The following PKHD1 variants were observed in gnomAD, a reference collection of about 807,000 sequenced individuals.
PKHD1 encodes PKHD1 ciliary IPT domain containing fibrocystin/polyductin.
A neutral mutation model predicts 412.0 loss-of-function variants in PKHD1; 291 were observed. The observed-to-expected ratio is 0.71, with a 90% confidence interval of 0.64 to 0.78. The LOEUF (loss-of-function observed/expected upper bound fraction) is 0.78. Among genes scored for constraint, PKHD1 ranks in the 30% least tolerant of loss-of-function variants. The pLI, the probability that PKHD1 is intolerant of heterozygous loss-of-function variation, is 0.00. For missense variants in PKHD1, 4,825 were observed against 4,950.7 expected (o/e 0.97, Z 0.76); for synonymous variants, 1,777 against 1,821.5 (o/e 0.98, Z 0.62).
chr6:52,032,282 C>G (rs1320883364), intron 29 of PKHD1, among the ~76,000 whole-genome samples: 1 of 152,142 alleles, frequency 6.6e-6, no homozygotes, highest in Non-Finnish European at 1.5e-5. Context: ...ACCACAAACC[C>G]TGTTATCTGG....
At chr6:51,972,128 C>T (rs1176351961) in intron 35 of PKHD1, among the ~76,000 whole-genome samples, 3 of 152,112 alleles carry the variant, frequency 2.0e-5, no homozygotes, top group Non-Finnish European at 2.9e-5. Context: ...CTTCCACTAG[C>T]ATTGCTTCCT....
rs774279166 is a variant in PKHD1 at position 52,053,195 on chromosome 6, A to G, written c.2021T>C (p.Leu674Pro). 6.2e-7 allele frequency: 1 copy of G among 1,614,092 alleles called. No homozygotes were observed. Among genetic ancestry groups the G allele is most frequent in the African/African-American group, 1.3e-5 (1 of 74,946 alleles). Residue 674 changes from leucine to proline, a missense_variant, in exon 21 of 67, where the codon CTC becomes CCC. Leu to Pro is a moderately conservative substitution (Grantham distance 98). Coordinates refer to ENST00000371117, the MANE Select transcript of PKHD1 (RefSeq NM_138694.4). The stretch of plus-strand genomic sequence containing the variant: ...TGGGGAGTTTGCCGGAGGGGGCTGG[A>G]GATCCCCGAAGCAACGCACACAAGT... Reference protein sequence around the residue: ...WETCVRCFGDLQPPPANSPVL... With the variant: ...WETCVRCFGDPQPPPANSPVL...
At chr6:52,011,720 A>C (rs1431426746) in intron 34 of PKHD1, among the ~76,000 whole-genome samples, 1 of 152,258 alleles carries the variant, frequency 6.6e-6, no homozygotes, top group Non-Finnish European at 1.5e-5. Flanking sequence ...TAACTAGTAC[A>C]TCTCACCACT....
intron 61 of PKHD1, among the ~76,000 whole-genome samples, chr6:51,657,409 T>C (rs1388724487): frequency 6.6e-6 from 1 of 152,152 alleles, no homozygotes; most frequent in Non-Finnish European, 1.5e-5. Context: ...GAGAAATTTG[T>C]TCAGACATAC....
At chr6:51,663,488 G>A (rs544258281) in intron 60 of PKHD1, among the ~76,000 whole-genome samples, 5 of 152,212 alleles carry the variant, frequency 3.3e-5, no homozygotes, top group South Asian at 2.1e-4. Context: ...ATCACATGAC[G>A]TTAGTAGGCA....
chr6:52,026,447 T>C (rs1802201274), intron 31 of PKHD1, among the ~76,000 whole-genome samples: 1 of 152,244 alleles, frequency 6.6e-6, no homozygotes, highest in African/African-American at 2.4e-5. Context: ...TACCTTTGTA[T>C]ATCCCAGAAG....
At chr6:51,757,241 G>A (rs2661486) in intron 55 of PKHD1, among the ~76,000 whole-genome samples, 89,986 of 151,966 alleles carry the variant, frequency 0.59, 27,102 homozygotes, top group East Asian at 0.89. Flanking sequence ...AATATTCTGA[G>A]AAGTTTCATG....
intron 36 of PKHD1, among the ~76,000 whole-genome samples, chr6:51,939,752 C>G (rs970503363): frequency 6.6e-6 from 1 of 151,406 alleles, no homozygotes; most frequent in Non-Finnish European, 1.5e-5. Context: ...CAGTCCCAAC[C>G]CCAAGCATCA....
chr6:51,963,630 A>G (rs1326274361), intron 35 of PKHD1, among the ~76,000 whole-genome samples: 1 of 152,090 alleles, frequency 6.6e-6, no homozygotes, highest in Non-Finnish European at 1.5e-5. Flanking sequence ...AGCTGGTGCT[A>G]TCATTCCCTC....
chr6:51,985,698 C>T (rs1001219156), intron 35 of PKHD1, among the ~76,000 whole-genome samples: 5 of 152,130 alleles, frequency 3.3e-5, no homozygotes, highest in African/African-American at 1.2e-4. Context: ...CACTGCACTC[C>T]AGCCTGGGCA....
chr6:52,024,542 A>G (rs1376322895), intron 32 of PKHD1, 32 bp downstream of exon 32: 1 of 1,578,354 alleles, frequency 6.3e-7, no homozygotes, highest in African/African-American at 1.3e-5. Context: ...ATTTACATAA[A>G]GAAAGTGTGC....
chr6:51,762,830 A>G (rs1788266128), intron 55 of PKHD1, among the ~76,000 whole-genome samples: 1 of 152,050 alleles, frequency 6.6e-6, no homozygotes, highest in Non-Finnish European at 1.5e-5. Flanking sequence ...CTCAGTTAAT[A>G]CCGTACCAAT....
At chr6:51,776,567 C>T (rs1323794376) in intron 53 of PKHD1, among the ~76,000 whole-genome samples, 1 of 151,982 alleles carries the variant, frequency 6.6e-6, no homozygotes, top group African/African-American at 2.4e-5. Flanking sequence ...TGCATTTTAG[C>T]ATTTACTCCT....
intron 60 of PKHD1, among the ~76,000 whole-genome samples, chr6:51,709,316 A>C (rs1385224968): frequency 1.3e-5 from 2 of 152,228 alleles, no homozygotes; most frequent in African/African-American, 4.8e-5. Context: ...GCTGGTGTCC[A>C]CAAAAAGGCC....
intron 63 of PKHD1, among the ~76,000 whole-genome samples, chr6:51,644,689 T>C (rs149843118): frequency 7.9e-5 from 12 of 152,250 alleles, no homozygotes; most frequent in African/African-American, 2.9e-4. Context: ...AAGCTGATTT[T>C]GTTTTGTTTT....
Position 51,911,867 on chromosome 6 carries a change from A to C in PKHD1, c.6422T>G (p.Ile2141Arg), listed in dbSNP as rs1376913559. The change falls in exon 39 of 67, where the codon ATA becomes AGA. Residue 2141 changes from isoleucine (I) to arginine (R), a missense_variant. Coordinates refer to ENST00000371117, the MANE Select transcript of PKHD1 (RefSeq NM_138694.4). The part of the protein sequence containing the change: ...TVALLSRSIT[I>R]QGNLTNEREK... ...CCTCTCATTAGTGAGATTTCCTTGTATGGTAATACTCCTGCTGAGCAGAGC... is the reference window on the plus strand; with the variant it reads ...CCTCTCATTAGTGAGATTTCCTTGTCTGGTAATACTCCTGCTGAGCAGAGC... The C allele has an allele frequency of 1.9e-6, 3 of 1,612,216 alleles. No homozygotes were observed. In the African/African-American group the frequency reaches 4.0e-5, roughly 22 times the overall value.
rs1230568581 is a variant in PKHD1, at chr6:51,912,438, G to T, written c.6260C>A (p.Ala2087Asp). Residue 2087 changes from alanine (A) to aspartate (D), a missense_variant, in exon 38 of 67, where the codon GCC (alanine) becomes GAC (aspartate). Coordinates refer to ENST00000371117, the MANE Select transcript of PKHD1 (RefSeq NM_138694.4). The stretch of plus-strand genomic sequence containing the variant: ...AGTGACAATCTCTTCCATCGGTTTG[G>T]CACCTTTAACACCTGTTCCACTGAT... Reference protein sequence around the residue: ...VIISGTGVKGAKPMEEIVTVE... With the variant: ...VIISGTGVKGDKPMEEIVTVE... 6.2e-7 allele frequency: 1 copy of T among 1,612,862 alleles called. No homozygotes were observed. Among genetic ancestry groups the T allele is most frequent in the Non-Finnish European group, 8.5e-7 (1 of 1,179,078 alleles).
At chr6:51,679,305 G>A (rs146736107) in intron 60 of PKHD1, among the ~76,000 whole-genome samples, 2 of 152,108 alleles carry the variant, frequency 1.3e-5, no homozygotes, top group East Asian at 1.9e-4. Context: ...ATGTGTGTTC[G>A]CCACAAGTGC....
intron 6 of PKHD1, 62 bp downstream of exon 6, chr6:52,076,214 T>G: frequency 8.4e-7 from 1 of 1,190,952 alleles, no homozygotes; most frequent in South Asian, 1.2e-5. Flanking sequence ...CTCACCTAGG[T>G]TTGCAACAAG....
Sources: gnomAD v4.1 joint callset for allele counts (sites outside exome capture counted in the v4.1 genomes callset) on GRCh38, gnomAD v4.1.1 for gene constraint, MANE v1.5 for transcripts, NCBI Gene and HGNC (gene_info 2026-07-23, HGNC 2026-07-21) for gene names.